The following TTC7B variants were observed in gnomAD, a reference collection of about 807,000 sequenced individuals.
The protein encoded by TTC7B is tetratricopeptide repeat protein 7B.
In TTC7B, 28 loss-of-function variants were observed where a neutral mutation model predicts 106.8. The ratio of observed to expected loss-of-function variants is 0.26; its 90% CI spans 0.19 to 0.36. TTC7B has a LOEUF of 0.36. TTC7B is among the 10% of genes least tolerant of loss of function. The probability of loss-of-function intolerance (pLI) is 1.00; values close to 1 mark genes in which losing one functional copy is unlikely to be tolerated. For missense variants in TTC7B, 862 were observed against 1,076.4 expected, an observed-to-expected ratio of 0.80 and a Z score of 2.79; for synonymous variants, 405 against 430.6, an observed-to-expected ratio of 0.94 and a Z score of 0.74.
chr14:90,751,134 G>GT (rs1238276645), intron 3 of TTC7B, among the ~76,000 whole-genome samples: 1 of 152,160 alleles, frequency 6.6e-6, no homozygotes, highest in African/African-American at 2.4e-5. Context: ...AAAAACAGTG[G>GT]TATGACAGCA....
At chr14:90,610,915 C>T (rs1327458567) in intron 16 of TTC7B, 76 bp from the exon 17 acceptor site, 5 of 937,150 alleles carry the variant, frequency 5.3e-6, no homozygotes, top group African/African-American at 1.6e-5. Flanking sequence ...CCAATACTGA[C>T]TCCTGAAGGC....
chr14:90,785,985 G>A (rs1002944153), intron 2 of TTC7B, among the ~76,000 whole-genome samples, 189 bp downstream of exon 2: 3 of 152,148 alleles, frequency 2.0e-5, no homozygotes, highest in Non-Finnish European at 2.9e-5. Context: ...TGGCCCAGAA[G>A]CCCCCACAGT....
intron 19 of TTC7B, among the ~76,000 whole-genome samples, chr14:90,562,688 T>C (rs1014441267): frequency 1.3e-5 from 2 of 152,188 alleles, no homozygotes; most frequent in African/African-American, 4.8e-5. Context: ...TACTTCAGGA[T>C]GAATCTCTAA....
chr14:90,563,787 T>C (rs1890682882), intron 19 of TTC7B, among the ~76,000 whole-genome samples: 1 of 152,242 alleles, frequency 6.6e-6, no homozygotes. Context: ...ATGTTCACAA[T>C]GTCTTCACCA....
At position 90,814,628 on chromosome 14, in the gene TTC7B, C is replaced by T. The variant is rs557806379; in HGVS notation, c.121+1547G>A. On this transcript the variant is annotated intron_variant, in intron 1 of 19. Transcript: ENST00000328459. Reference sequence around the variant, plus strand: ...CCCATTTAATCCTAAAATCAACCTGCACAGAAGGTGTCATTATGCCTACAC... The same window carrying T: ...CCCATTTAATCCTAAAATCAACCTGTACAGAAGGTGTCATTATGCCTACAC... Among the ~76,000 whole-genome samples, 23 of 152,288 alleles carry T rather than the reference C, an allele frequency of 1.5e-4. No homozygotes were observed. The East Asian group carries it at 4.2e-3, about 28-fold the overall frequency.
intron 3 of TTC7B, chr14:90,766,973 T>G: frequency 2.2e-6 from 3 of 1,392,030 alleles, no homozygotes; most frequent in Non-Finnish European, 3.0e-6. Flanking sequence ...ACTGTGGGTG[T>G]GTCCAAGAAG....
In TTC7B at chr14:90,580,914, T is replaced by A. The variant is rs1037022608; in HGVS notation, c.2108-2606A>T. 3.3e-5 allele frequency among the ~76,000 whole-genome samples: 5 copies of A among 152,266 alleles called. No individual in the cohort carries two copies. The East Asian group carries it at 9.7e-4, about 29-fold the overall frequency. ...GGCCTGGGGGCGGGGAAATGGCTGGTGTGTATCTCATGGCTGTGGTTAGTG... is the reference window on the plus strand; with the variant it reads ...GGCCTGGGGGCGGGGAAATGGCTGGAGTGTATCTCATGGCTGTGGTTAGTG... On this transcript the variant is annotated intron_variant, in intron 18 of 19. Coordinates refer to ENST00000328459, the MANE Select transcript of TTC7B (RefSeq NM_001010854.2).
intron 4 of TTC7B, among the ~76,000 whole-genome samples, chr14:90,741,916 G>A (rs1264896887): frequency 1.3e-5 from 2 of 151,998 alleles, no homozygotes; most frequent in Non-Finnish European, 2.9e-5. Context: ...GTCCAAACTG[G>A]TTTTCCAAAA....
At chr14:90,691,919 T>C (rs913033258) in intron 6 of TTC7B, among the ~76,000 whole-genome samples, 2 of 152,210 alleles carry the variant, frequency 1.3e-5, no homozygotes, top group Non-Finnish European at 2.9e-5. Context: ...TCTGGCTCCA[T>C]GGATTTGCCT....
At position 90,540,224 on chromosome 14, in the gene TTC7B, G is replaced by A. The variant is rs150915966; in HGVS notation, c.*1144C>T. The A allele has an allele frequency of 5.9e-5, 9 of 152,348 alleles. No individual in the cohort carries two copies. The highest frequency in any genetic ancestry group is 3.3e-4 in the Admixed American group (5 of 15,298). 9.4% of individuals were successfully genotyped at this position (152,348 alleles called of 1,614,324 possible). On this transcript the variant is annotated 3_prime_UTR_variant, in exon 20 of 20. Coordinates refer to ENST00000328459, the MANE Select transcript of TTC7B (RefSeq NM_001010854.2). ...GGGCTGCTTGAGTCCAGGAGTTCAG[G>A]ACCAGCCTGGGTAACACAGTGAGAT...
At chr14:90,673,512 C>A (rs993577115) in intron 9 of TTC7B, among the ~76,000 whole-genome samples, 1 of 152,168 alleles carries the variant, frequency 6.6e-6, no homozygotes, top group Non-Finnish European at 1.5e-5. Context: ...TCAGAAAGAT[C>A]GCCCTGCTGA....
rs1183881012 is a variant in TTC7B, at chr14:90,657,816, T to C, written c.1236+488A>G. 5.4e-6 allele frequency: 1 copy of C among 186,464 alleles called. No homozygotes were observed. The highest frequency in any genetic ancestry group is 2.4e-5 in the African/African-American group (1 of 42,180). 11.6% of individuals were successfully genotyped at this position (186,464 alleles called of 1,614,324 possible). A position where few individuals can be genotyped will look rare whatever the true frequency, so the allele number is the denominator to read the frequency against. ...GAGCAGGTGCTGTTCTTACTCCATT[T>C]TACCGAGGAAACTGAGCTGCTCAGT... On this transcript the variant is annotated intron_variant, in intron 10 of 19. Coordinates refer to ENST00000328459, the MANE Select transcript of TTC7B (RefSeq NM_001010854.2). This position sits in a 1 kb window ranked among gnomAD's most constrained non-coding sequence, Gnocchi z 4.2.
rs778278953 is a variant in TTC7B at position 90,626,159 on chromosome 14, A to T, written c.1752-8114T>A. Among the ~76,000 whole-genome samples the T allele has an allele frequency of 1.1e-3, 173 of 152,318 alleles. 2 individuals are homozygous for T. Among genetic ancestry groups the T allele is most frequent in the Non-Finnish European group, 1.4e-3 (92 of 68,028 alleles). On this transcript the variant is annotated intron_variant, in intron 15 of 19. Transcript: ENST00000328459. Reference sequence around the variant, plus strand: ...TCCTAACCTGCCATGGTCTGATTTTAAAAAGAAAAAAGACTTCCCAGGGAA... The same window carrying T: ...TCCTAACCTGCCATGGTCTGATTTTTAAAAGAAAAAAGACTTCCCAGGGAA...
intron 16 of TTC7B, among the ~76,000 whole-genome samples, chr14:90,616,070 G>A (rs893868200): frequency 5.3e-5 from 8 of 152,188 alleles, no homozygotes; most frequent in African/African-American, 1.9e-4. Context: ...CAATATTCTT[G>A]GTTGCTAAGT....
intron 6 of TTC7B, among the ~76,000 whole-genome samples, chr14:90,692,268 T>G (rs1182316191): frequency 6.6e-6 from 1 of 152,164 alleles, no homozygotes; most frequent in East Asian, 1.9e-4. Flanking sequence ...AGTGCAGTGG[T>G]GCAATCACAC....
At chr14:90,769,066 GA>G (rs1292874011) in intron 3 of TTC7B, among the ~76,000 whole-genome samples, 1 of 152,138 alleles carries the variant, frequency 6.6e-6, no homozygotes, top group Non-Finnish European at 1.5e-5. Context: ...AGCTTTACAG[GA>G]ATGGAGTCTT....
intron 4 of TTC7B, among the ~76,000 whole-genome samples, chr14:90,741,624 C>T (rs1889769135): frequency 1.3e-5 from 2 of 152,158 alleles, no homozygotes; most frequent in Non-Finnish European, 2.9e-5. Context: ...TTCAATTCAA[C>T]ATAATTCTTA....
At chr14:90,737,560 T>G (rs892775155) in intron 4 of TTC7B, among the ~76,000 whole-genome samples, 1 of 142,534 alleles carries the variant, frequency 7.0e-6, no homozygotes, top group Admixed American at 7.0e-5. Flanking sequence ...TTTTTTTTTT[T>G]TTTTTTTTTT....
At position 90,541,220 on chromosome 14, in the gene TTC7B, G is replaced by A; in HGVS notation, c.*148C>T. ...CACATGGCGAGAGCGATGATTCGGG[G>A]TTGGTTTGGTTGGTTCACTGTGGCC... On this transcript the variant is annotated 3_prime_UTR_variant, in exon 20 of 20. Transcript: ENST00000328459. 1.6e-6 allele frequency: 1 copy of A among 606,770 alleles called. No homozygotes were observed. The highest frequency in any genetic ancestry group is 1.8e-5 in the African/African-American group (1 of 54,366). 37.6% of individuals were successfully genotyped at this position (606,770 alleles called of 1,614,324 possible).
Sources: gnomAD v4.1 joint callset for allele counts (sites outside exome capture counted in the v4.1 genomes callset) on GRCh38, gnomAD v4.1.1 for gene constraint, Gnocchi (gnomAD v3.1) non-coding constraint, MANE v1.5 for transcripts, NCBI Gene and HGNC (gene_info 2026-07-23, HGNC 2026-07-21) for gene names.